SGIP1: variants seen among roughly 807,000 people sequenced by gnomAD.
SGIP1 encodes the protein SH3GL interacting endocytic adaptor 1, also known as SH3-containing GRB2-like protein 3-interacting protein 1.
In SGIP1, 38 loss-of-function variants were observed where a neutral mutation model predicts 107.5. The ratio of observed to expected loss-of-function variants is 0.35; its 90% CI spans 0.27 to 0.46. SGIP1 has a LOEUF of 0.46. SGIP1 is among the 20% of genes least tolerant of loss of function. The probability of loss-of-function intolerance (pLI) is 1.00; values close to 1 mark genes in which losing one functional copy is unlikely to be tolerated. For missense variants in SGIP1, 929 were observed against 1,019.5 expected, an observed-to-expected ratio of 0.91 and a Z score of 1.21; for synonymous variants, 365 against 366.1, an observed-to-expected ratio of 1.00 and a Z score of 0.03.
intron 9 of SGIP1, among the ~76,000 whole-genome samples, chr1:66,669,416 G>T (rs760281920): frequency 2.0e-5 from 3 of 152,170 alleles, no homozygotes; most frequent in Non-Finnish European, 4.4e-5. Context: ...CACAGTACTA[G>T]GTGGGCTGTG....
intron 18 of SGIP1, among the ~76,000 whole-genome samples, chr1:66,706,273 A>G (rs1348550153): frequency 6.8e-6 from 1 of 148,056 alleles, no homozygotes; most frequent in African/African-American, 2.5e-5. Context: ...ATTTTCATCA[A>G]ATATTTTTAA....
intron 1 of SGIP1, among the ~76,000 whole-genome samples, chr1:66,536,889 A>G (rs576101832): frequency 9.2e-5 from 14 of 152,328 alleles, no homozygotes; most frequent in South Asian, 2.1e-4. Flanking sequence ...TGCTCAGAAA[A>G]AGCATGGCCA....
intron 1 of SGIP1, among the ~76,000 whole-genome samples, chr1:66,541,378 C>T (rs964306026): frequency 1.4e-4 from 22 of 152,242 alleles, no homozygotes; most frequent in Admixed American, 6.5e-5. Context: ...TTCAGATACC[C>T]GTTCTGTGAA....
chr1:66,618,911 C>T (rs990082461), intron 1 of SGIP1, among the ~76,000 whole-genome samples: 1 of 152,122 alleles, frequency 6.6e-6, no homozygotes, highest in African/African-American at 2.4e-5. Context: ...GGTTTTAAAC[C>T]CAGATCTTTG....
chr1:66,545,102 C>T (rs2056061988), intron 1 of SGIP1, among the ~76,000 whole-genome samples: 1 of 152,124 alleles, frequency 6.6e-6, no homozygotes, highest in Non-Finnish European at 1.5e-5. Flanking sequence ...TCAGACCTTG[C>T]TGCTTCCACC....
chr1:66,697,264 A>G (rs1320508801), intron 18 of SGIP1, among the ~76,000 whole-genome samples: 1 of 152,212 alleles, frequency 6.6e-6, no homozygotes, highest in Non-Finnish European at 1.5e-5. Context: ...AATATTTAAT[A>G]AATGTGTGGA....
intron 21 of SGIP1, among the ~76,000 whole-genome samples, chr1:66,736,720 A>G (rs1210291547): frequency 1.3e-5 from 2 of 151,170 alleles, no homozygotes; most frequent in Admixed American, 1.3e-4. Context: ...GACCTAGCAG[A>G]TATATATATT....
intron 1 of SGIP1, among the ~76,000 whole-genome samples, chr1:66,625,310 CA>C (rs2072392657): frequency 6.6e-6 from 1 of 152,160 alleles, no homozygotes; most frequent in Non-Finnish European, 1.5e-5. Context: ...CACAGGAGTG[CA>C]AATTTTGGGG....
intron 8 of SGIP1, among the ~76,000 whole-genome samples, chr1:66,664,959 T>TTTGTTG (rs543561544): frequency 5.9e-5 from 9 of 151,958 alleles, no homozygotes; most frequent in African/African-American, 1.7e-4. Flanking sequence ...TTGTTGTGCT[T>TTTGTTG]TTGTTGTTGT....
At position 66,673,371 on chromosome 1, in the gene SGIP1, GA is replaced by G; in HGVS notation, c.646+9del. ...TTGATGAACAGAAGACAGAAGGTAGGAAAAGAAACTCCATATATTATAGATT... is the reference window on the plus strand; with the variant it reads ...TTGATGAACAGAAGACAGAAGGTAGGAAAGAAACTCCATATATTATAGATT... On this transcript the variant is annotated splice_donor_region_variant and intron_variant, in intron 12 of 24. Transcript: ENST00000371037. 6.3e-7 allele frequency: 1 copy of G among 1,592,128 alleles called. No homozygotes were observed. Among genetic ancestry groups the G allele is most frequent in the Admixed American group, 1.9e-5 (1 of 53,516 alleles).
intron 1 of SGIP1, among the ~76,000 whole-genome samples, chr1:66,611,312 G>A (rs1421147536): frequency 6.6e-6 from 1 of 152,190 alleles, no homozygotes; most frequent in Non-Finnish European, 1.5e-5. Flanking sequence ...AACATAAGTA[G>A]CAAATGGCAG....
intron 3 of SGIP1, among the ~76,000 whole-genome samples, chr1:66,634,772 T>C (rs571625713): frequency 1.1e-4 from 17 of 152,304 alleles, no homozygotes; most frequent in African/African-American, 3.8e-4. Context: ...AGAAACAGGC[T>C]TTATAGGTAA....
At chr1:66,592,289 A>G (rs976090866) in intron 1 of SGIP1, among the ~76,000 whole-genome samples, 1 of 152,166 alleles carries the variant, frequency 6.6e-6, no homozygotes, top group Non-Finnish European at 1.5e-5. Flanking sequence ...GGTACTAGAG[A>G]TTAGAGAATG....
rs2094534741 is a variant in SGIP1 at position 66,745,098 on chromosome 1, T to G, written c.*2003T>G. 1.3e-5 allele frequency: 2 copies of G among 152,288 alleles called. No homozygotes were observed. The highest frequency in any genetic ancestry group is 6.5e-5 in the Admixed American group (1 of 15,268). 9.4% of individuals were successfully genotyped at this position (152,288 alleles called of 1,614,324 possible). A position where few individuals can be genotyped will look rare whatever the true frequency, so the allele number is the denominator to read the frequency against. On this transcript the variant is annotated 3_prime_UTR_variant, in exon 25 of 25. Transcript: ENST00000371037. ...CATGTAAATATTACTGGTTCTCATGTCTTTGTATTTATATTTTATTTTGTT... is the reference window on the plus strand; with the variant it reads ...CATGTAAATATTACTGGTTCTCATGGCTTTGTATTTATATTTTATTTTGTT...
chr1:66,662,508 C>G (rs2081707886), intron 8 of SGIP1, among the ~76,000 whole-genome samples: 1 of 152,032 alleles, frequency 6.6e-6, no homozygotes, highest in Non-Finnish European at 1.5e-5. Context: ...TTCTGTTAAG[C>G]AAAAGGTAAT....
intron 1 of SGIP1, among the ~76,000 whole-genome samples, chr1:66,598,427 G>C (rs1287927648): frequency 6.6e-6 from 1 of 152,192 alleles, no homozygotes; most frequent in East Asian, 1.9e-4. Flanking sequence ...GTCAGATGCT[G>C]AATGAGCTTA....
intron 18 of SGIP1, chr1:66,704,644 T>G (rs2092331501): frequency 6.6e-6 from 1 of 152,222 alleles, no homozygotes; most frequent in Admixed American, 6.5e-5. Flanking sequence ...TGATGACCTC[T>G]ATAGCGTTTG....
intron 19 of SGIP1, among the ~76,000 whole-genome samples, chr1:66,728,605 T>C (rs985660678): frequency 6.6e-6 from 1 of 152,194 alleles, no homozygotes; most frequent in Non-Finnish European, 1.5e-5. Context: ...TTACCGGTTA[T>C]ATTCCCAAAG....
At chr1:66,604,226 A>C (rs1160030755) in intron 1 of SGIP1, among the ~76,000 whole-genome samples, 1 of 152,154 alleles carries the variant, frequency 6.6e-6, no homozygotes, top group African/African-American at 2.4e-5. Context: ...AAGTTACTTA[A>C]TTTCTCATCC....
Sources: gnomAD v4.1 joint callset for allele counts (sites outside exome capture counted in the v4.1 genomes callset) on GRCh38, gnomAD v4.1.1 for gene constraint, MANE v1.5 for transcripts, NCBI Gene and HGNC (gene_info 2026-07-23, HGNC 2026-07-21) for gene names.